The following IPMK variants were observed in gnomAD, a reference collection of about 807,000 sequenced individuals.
IPMK encodes inositol 1,3,4,6-tetrakisphosphate 5-kinase.
In IPMK, 17 loss-of-function variants were observed where a neutral mutation model predicts 45.8. That is an observed-to-expected ratio of 0.37 (90% CI 0.25 to 0.56). IPMK has a LOEUF of 0.56. Ranked by LOEUF, IPMK falls within the 20% of genes least tolerant of loss-of-function variation. The probability of loss-of-function intolerance (pLI) is 0.79; values close to 1 mark genes in which losing one functional copy is unlikely to be tolerated. For synonymous variants in IPMK, 180 were observed against 184.3 expected, an observed-to-expected ratio of 0.98 and a Z score of 0.19; for missense variants, 399 against 498.0, an observed-to-expected ratio of 0.80 and a Z score of 1.89.
intron 1 of IPMK, among the ~76,000 whole-genome samples, chr10:58,248,079 C>T (rs748034954): frequency 2.6e-5 from 4 of 151,950 alleles, no homozygotes; most frequent in Admixed American, 6.6e-5. Context: ...TGTGAAAAAT[C>T]GGGGAAAAGT....
intron 3 of IPMK, among the ~76,000 whole-genome samples, chr10:58,224,435 T>A (rs1838383069): frequency 6.6e-6 from 1 of 152,224 alleles, no homozygotes. Context: ...CAACAAATGT[T>A]ATATTTTTAA....
intron 1 of IPMK, among the ~76,000 whole-genome samples, chr10:58,250,371 T>A (rs956931961): frequency 2.0e-5 from 3 of 152,212 alleles, no homozygotes; most frequent in Non-Finnish European, 4.4e-5. Context: ...ATAGTTTTTA[T>A]TGTAAAGATA....
intron 1 of IPMK, among the ~76,000 whole-genome samples, chr10:58,253,697 G>A (rs1838918514): frequency 7.3e-6 from 1 of 136,416 alleles, no homozygotes; most frequent in South Asian, 2.2e-4. Context: ...TCACACCACT[G>A]CAATCCAGCC....
intron 1 of IPMK, among the ~76,000 whole-genome samples, chr10:58,264,773 G>A (rs1407201220): frequency 1.3e-5 from 2 of 152,080 alleles, no homozygotes; most frequent in Admixed American, 6.5e-5. Flanking sequence ...TTTTTAGAAA[G>A]AATAAAGTAT....
At chr10:58,227,196 C>A in intron 2 of IPMK, 57 bp from the exon 3 acceptor site, 2 of 1,190,484 alleles carry the variant, frequency 1.7e-6, no homozygotes, top group Non-Finnish European at 2.4e-6. Flanking sequence ...AACTGCCCTG[C>A]ACATTTCTCA....
chr10:58,257,637 A>T (rs1469599352), intron 1 of IPMK, among the ~76,000 whole-genome samples: 1 of 152,232 alleles, frequency 6.6e-6, no homozygotes, highest in African/African-American at 2.4e-5. Flanking sequence ...TACAGCCAAG[A>T]TGCTCAGAGA....
intron 2 of IPMK, 97 bp from the exon 3 acceptor site, chr10:58,227,236 CT>C: frequency 1.1e-6 from 1 of 880,798 alleles, no homozygotes; most frequent in Non-Finnish European, 1.7e-6. Flanking sequence ...TATAATTCAT[CT>C]GGTATGGCTT....
intron 4 of IPMK, among the ~76,000 whole-genome samples, chr10:58,201,460 G>A (rs989773130): frequency 6.6e-6 from 1 of 152,126 alleles, no homozygotes; most frequent in Non-Finnish European, 1.5e-5. Flanking sequence ...GGGATGTCAC[G>A]AAGCACACGC....
In IPMK at chr10:58,197,549, C is replaced by A. The variant is rs191427781; in HGVS notation, c.629-851G>T. ...CCTGTAGTCCTAGATACTCGGGAGG[C>A]TGAGGCAGGAGAACGGCGTGAACCC... On this transcript the variant is annotated intron_variant, in intron 5 of 5. Coordinates refer to ENST00000373935, the MANE Select transcript of IPMK (RefSeq NM_152230.5). Among the ~76,000 whole-genome samples the A allele has an allele frequency of 1.6e-3, 244 of 151,238 alleles. 3 individuals carry two copies. Among genetic ancestry groups the A allele is most frequent in the African/African-American group, 5.8e-3 (240 of 41,242 alleles).
chr10:58,196,590 A>T lies in IPMK; in HGVS notation c.737T>A (p.Leu246His). The change falls in exon 6 of 6, where the codon CTT becomes CAT. Residue 246 changes from leucine to histidine, a missense_variant. By Grantham distance (99) the Leu-to-His change is moderately conservative. This residue lies in a region of IPMK where 288 missense variants were observed against 398.0 expected (regional missense o/e 0.72). Transcript: ENST00000373935. ...ILQWFENQKQ[L>H]NFYASSLLFV... The stretch of plus-strand genomic sequence containing the variant: ...GAGTAATGAACTTGCGTAAAAATTA[A>T]GCTGCTTCTGGTTTTCAAACCACTG... 1 of 1,614,172 alleles carries T rather than the reference A, an allele frequency of 6.2e-7. No homozygotes were observed. Among genetic ancestry groups the T allele is most frequent in the Non-Finnish European group, 8.5e-7 (1 of 1,180,036 alleles).
At chr10:58,200,635 A>C (rs1837983432) in intron 4 of IPMK, among the ~76,000 whole-genome samples, 1 of 152,220 alleles carries the variant, frequency 6.6e-6, no homozygotes, top group African/African-American at 2.4e-5. Flanking sequence ...TATTTATTAA[A>C]TTGTGTTAGT....
chr10:58,265,767 T>C (rs935771828), intron 1 of IPMK, among the ~76,000 whole-genome samples: 13 of 152,176 alleles, frequency 8.5e-5, no homozygotes, highest in African/African-American at 3.1e-4. Flanking sequence ...GGGTGACAAA[T>C]TAACTTTTCA....
intron 1 of IPMK, among the ~76,000 whole-genome samples, chr10:58,264,184 G>A (rs1177438825): frequency 1.3e-5 from 2 of 152,202 alleles, no homozygotes; most frequent in African/African-American, 4.8e-5. Flanking sequence ...GTATTAACAT[G>A]TAAAGTGGCA....
At position 58,194,231 on chromosome 10, in the gene IPMK, T is replaced by G. The variant is rs1837859326; in HGVS notation, c.*1845A>C. 6.6e-6 allele frequency: 1 copy of G among 151,776 alleles called. No individual in the cohort carries two copies. Among genetic ancestry groups the G allele is most frequent in the Non-Finnish European group, 1.5e-5 (1 of 67,722 alleles). 9.4% of individuals were successfully genotyped at this position (151,776 alleles called of 1,614,324 possible). ...TATCTTGTTAAGATTCAAAATAGTG[T>G]TTAATTATCTGAGCTTAAGATTTAT... On this transcript the variant is annotated 3_prime_UTR_variant, in exon 6 of 6. Coordinates refer to ENST00000373935, the MANE Select transcript of IPMK (RefSeq NM_152230.5).
At chr10:58,261,475 A>G (rs72795695) in intron 1 of IPMK, among the ~76,000 whole-genome samples, 10,131 of 144,216 alleles carry the variant, frequency 0.07, 417 homozygotes, top group Non-Finnish European at 0.09. Flanking sequence ...GCAGGGATGA[A>G]TTTAAACAGA....
intron 1 of IPMK, among the ~76,000 whole-genome samples, chr10:58,239,405 A>C (rs1838663974): frequency 6.6e-6 from 1 of 152,218 alleles, no homozygotes; most frequent in South Asian, 2.1e-4. Context: ...ATAGAATTCC[A>C]GAGGAAAATA....
At chr10:58,239,625 AAT>A (rs1838667069) in intron 1 of IPMK, among the ~76,000 whole-genome samples, 1 of 152,180 alleles carries the variant, frequency 6.6e-6, no homozygotes, top group South Asian at 2.1e-4. Context: ...TGCTTCGTCC[AAT>A]ATGTCTCCCA....
intron 2 of IPMK, among the ~76,000 whole-genome samples, chr10:58,233,590 T>C (rs1564534780): frequency 6.6e-6 from 1 of 152,066 alleles, no homozygotes; most frequent in Non-Finnish European, 1.5e-5. Flanking sequence ...TCTCAAGAGA[T>C]GAAGAAAAGG....
chr10:58,235,034 G>A (rs1240494779), intron 2 of IPMK, among the ~76,000 whole-genome samples: 1 of 152,180 alleles, frequency 6.6e-6, no homozygotes, highest in Non-Finnish European at 1.5e-5. Flanking sequence ...CTCAAAAGAA[G>A]ACATCTAGGC....
Sources: gnomAD v4.1 joint callset for allele counts (sites outside exome capture counted in the v4.1 genomes callset) on GRCh38, gnomAD v4.1.1 for gene constraint, gnomAD v4.1.1 regional missense constraint, MANE v1.5 for transcripts, NCBI Gene and HGNC (gene_info 2026-07-23, HGNC 2026-07-21) for gene names.